Variants in TBC1D5 observed in about 807,000 individuals in gnomAD.
TBC1D5 encodes TBC1 domain family, member 5.
A neutral mutation model predicts 100.3 loss-of-function variants in TBC1D5; 75 were observed. The ratio of observed to expected loss-of-function variants is 0.75; its 90% CI spans 0.62 to 0.91. The LOEUF is 0.91. TBC1D5 is among the 40% of genes least tolerant of loss of function. The probability of loss-of-function intolerance (pLI) is 0.00; values close to 1 mark genes in which losing one functional copy is unlikely to be tolerated. For synonymous variants in TBC1D5, 323 were observed against 325.6 expected, an observed-to-expected ratio of 0.99 and a Z score of 0.09; for missense variants, 910 against 942.4, an observed-to-expected ratio of 0.97 and a Z score of 0.45.
upstream of TBC1D5, among the ~76,000 whole-genome samples, chr3:17,741,599 T>C (rs1390665293): frequency 6.6e-6 from 1 of 152,182 alleles, no homozygotes; most frequent in South Asian, 2.1e-4. Flanking sequence ...AGTTGACAAA[T>C]GAACTCTTTC....
At chr3:17,555,861 A>G (rs952864008) in intron 2 of TBC1D5, among the ~76,000 whole-genome samples, 3 of 152,160 alleles carry the variant, frequency 2.0e-5, no homozygotes, top group African/African-American at 7.2e-5. Flanking sequence ...GAAGAGTACA[A>G]ACAAGCCATG....
chr3:17,237,984 C>T (rs1171693551), intron 17 of TBC1D5, among the ~76,000 whole-genome samples, 179 bp downstream of exon 17: 1 of 151,966 alleles, frequency 6.6e-6, no homozygotes, highest in African/African-American at 2.4e-5. Context: ...AAAAAAATTA[C>T]CTCATAAAAT....
intron 1 of TBC1D5, among the ~76,000 whole-genome samples, chr3:17,638,763 ATAAG>A (rs1266221179): frequency 3.3e-5 from 5 of 152,164 alleles, no homozygotes; most frequent in South Asian, 4.1e-4. Context: ...ATAGCAGTGA[ATAAG>A]TAAGAGCTAC....
intron 3 of TBC1D5, among the ~76,000 whole-genome samples, chr3:17,485,107 A>G (rs2095546202): frequency 1.3e-5 from 2 of 152,210 alleles, no homozygotes; most frequent in East Asian, 3.9e-4. Context: ...AATAATGAAA[A>G]AAGAGAAAAA....
chr3:17,578,133 G>A (rs1307087027), intron 2 of TBC1D5, among the ~76,000 whole-genome samples: 1 of 151,974 alleles, frequency 6.6e-6, no homozygotes, highest in African/African-American at 2.4e-5. Flanking sequence ...GACTATAAAT[G>A]ATATGAAATA....
intron 14 of TBC1D5, among the ~76,000 whole-genome samples, chr3:17,304,005 C>G (rs2083141972): frequency 6.6e-6 from 1 of 152,162 alleles, no homozygotes; most frequent in African/African-American, 2.4e-5. Context: ...GCCTCACTCA[C>G]AGTGGATAAC....
intron 3 of TBC1D5, among the ~76,000 whole-genome samples, chr3:17,442,010 G>T (rs976562020): frequency 5.9e-5 from 9 of 152,108 alleles, no homozygotes; most frequent in African/African-American, 2.2e-4. Context: ...AAAACCACTT[G>T]AGTGCTCTGA....
At chr3:17,643,225 A>G (rs1349663289) in intron 1 of TBC1D5, among the ~76,000 whole-genome samples, 1 of 152,066 alleles carries the variant, frequency 6.6e-6, no homozygotes, top group Non-Finnish European at 1.5e-5. Context: ...ACGTCTTCTC[A>G]TGATGAAACT....
At chr3:17,368,111 TAC>T (rs1218921706) in intron 13 of TBC1D5, among the ~76,000 whole-genome samples, 2 of 152,028 alleles carry the variant, frequency 1.3e-5, no homozygotes, top group Non-Finnish European at 2.9e-5. Flanking sequence ...CAGAAGATAA[TAC>T]AGTTAAATAT....
intron 8 of TBC1D5, among the ~76,000 whole-genome samples, chr3:17,386,167 A>G (rs1221819956): frequency 6.6e-6 from 1 of 152,056 alleles, no homozygotes; most frequent in Non-Finnish European, 1.5e-5. Context: ...TCTCCTTCTC[A>G]TTATATAACA....
intron 13 of TBC1D5, among the ~76,000 whole-genome samples, chr3:17,347,476 C>T (rs2090043427): frequency 6.6e-6 from 1 of 151,944 alleles, no homozygotes; most frequent in Non-Finnish European, 1.5e-5. Flanking sequence ...AGCAATTTTT[C>T]TCAGGTACAA....
intron 15 of TBC1D5, among the ~76,000 whole-genome samples, chr3:17,280,517 A>AAGAGG (rs2080467005): frequency 6.6e-6 from 1 of 152,154 alleles, no homozygotes; most frequent in South Asian, 2.1e-4. Flanking sequence ...AGAGGAAGAG[A>AAGAGG]AGAGGAGAAG....
At chr3:17,468,429 TATA>T (rs1314018001) in intron 3 of TBC1D5, among the ~76,000 whole-genome samples, 1 of 152,340 alleles carries the variant, frequency 6.6e-6, no homozygotes, top group Non-Finnish European at 1.5e-5. Context: ...TTCTGCAACT[TATA>T]ATAACTTATA....
intron 1 of TBC1D5, among the ~76,000 whole-genome samples, chr3:17,715,356 C>T (rs1377775618): frequency 1.3e-5 from 2 of 152,212 alleles, no homozygotes; most frequent in East Asian, 3.8e-4. Context: ...GACTTACTCT[C>T]ATTTCTAGCC....
At chr3:17,493,533 C>G (rs1250541904) in intron 3 of TBC1D5, among the ~76,000 whole-genome samples, 1 of 152,090 alleles carries the variant, frequency 6.6e-6, no homozygotes, top group Admixed American at 6.5e-5. Flanking sequence ...CAACTAGGTA[C>G]CATTCTCTCC....
chr3:17,451,830 G>C (rs2094935145), intron 3 of TBC1D5, among the ~76,000 whole-genome samples: 1 of 152,270 alleles, frequency 6.6e-6, no homozygotes, highest in African/African-American at 2.4e-5. Context: ...TGAGGCAGGA[G>C]AATCGCTGGA....
intron 2 of TBC1D5, among the ~76,000 whole-genome samples, chr3:17,602,067 G>A (rs531857137): frequency 1.3e-5 from 2 of 152,222 alleles, no homozygotes; most frequent in Admixed American, 6.5e-5. Context: ...CCCTGACCTC[G>A]TGATCCGCCC....
intron 16 of TBC1D5, among the ~76,000 whole-genome samples, chr3:17,245,687 A>C (rs779642510): frequency 7.9e-5 from 12 of 152,234 alleles, no homozygotes; most frequent in Non-Finnish European, 1.8e-4. Flanking sequence ...ATAACCTATT[A>C]TGTATTAATC....
At chr3:17,181,266 G>T (rs7620885) in intron 19 of TBC1D5, among the ~76,000 whole-genome samples, 1 of 152,126 alleles carries the variant, frequency 6.6e-6, no homozygotes. Context: ...TGGGAAATGT[G>T]GTACTAGTCC....
Sources: allele counts gnomAD v4.1 joint callset (sites outside exome capture counted in the v4.1 genomes callset), GRCh38; gene constraint gnomAD v4.1.1; transcripts MANE v1.5; gene names NCBI Gene and HGNC (gene_info 2026-07-23, HGNC 2026-07-21).